Variants in ZNF831 observed in about 807,000 individuals in gnomAD.
ZNF831 encodes chromosome 20 open reading frame 174.
A neutral mutation model predicts 95.8 loss-of-function variants in ZNF831; 59 were observed. The observed-to-expected ratio is 0.62, with a 90% CI of 0.50 to 0.77. The LOEUF is 0.77. Among genes scored for constraint, ZNF831 ranks in the 30% least tolerant of loss-of-function variants. The pLI, the probability that ZNF831 is intolerant of heterozygous loss-of-function variation, is 0.00. For missense variants in ZNF831, 2,205 were observed against 2,164.0 expected (o/e 1.02, Z -0.38); for synonymous variants, 961 against 925.5 (o/e 1.04, Z -0.70).
intron 1 of ZNF831, among the ~76,000 whole-genome samples, chr20:59,137,738 C>T (rs1408398618): frequency 6.6e-6 from 1 of 152,188 alleles, no homozygotes; most frequent in Non-Finnish European, 1.5e-5. Flanking sequence ...TAGCAACCAG[C>T]ACTGGGTGGA....
At chr20:59,180,836 T>C (rs1982564531) in intron 1 of ZNF831, among the ~76,000 whole-genome samples, 1 of 152,240 alleles carries the variant, frequency 6.6e-6, no homozygotes. Flanking sequence ...AATAAACATA[T>C]GTGTGAATGT....
chr20:59,155,591 G>A (rs1331511391), intron 2 of ZNF831, among the ~76,000 whole-genome samples: 1 of 152,160 alleles, frequency 6.6e-6, no homozygotes, highest in African/African-American at 2.4e-5. Context: ...TGATTGCCTT[G>A]GAAGTCCAGG....
chr20:59,207,022 C>G lies in ZNF831; in HGVS notation c.3993C>G (p.Cys1331Trp). 1 of 1,614,196 alleles carries G rather than the reference C, an allele frequency of 6.2e-7. No individual in the cohort carries two copies. The highest frequency in any genetic ancestry group is 8.5e-7 in the Non-Finnish European group (1 of 1,180,032). ...HPPALEGLKP[C>W]RTPGQTSSEI... ...CCGCACTTGAGGGACTGAAGCCATG[C>G]AGGACCCCTGGGCAGACCTCTTCAG... is the stretch of plus-strand genomic sequence containing the variant. The change falls in exon 4 of 6, where the codon TGC becomes TGG. Residue 1331 changes from cysteine to tryptophan, a missense_variant. Transcript: ENST00000371030.
rs199500498 is a variant in ZNF831, at chr20:59,191,690, C to G, written c.671C>G (p.Pro224Arg). Residue 224 changes from proline (P) to arginine (R), a missense_variant, in exon 2 of 6, where the codon CCC becomes CGC. Pro to Arg is a moderately radical substitution (Grantham distance 103). Transcript: ENST00000371030. Reference protein sequence around the residue: ...LEEGDKAGEPPRPEGRGESRC... With the variant: ...LEEGDKAGEPRRPEGRGESRC... ...GAAGGGGACAAGGCCGGAGAGCCCC[C>G]CAGACCAGAGGGCAGGGGCGAGAGC... The G allele has an allele frequency of 1.7e-5, 27 of 1,562,762 alleles. No individual in the cohort carries two copies. The highest frequency in any genetic ancestry group is 1.3e-4 in the Admixed American group (7 of 54,884).
intron 4 of ZNF831, among the ~76,000 whole-genome samples, chr20:59,233,379 G>A (rs1056158100): frequency 6.6e-6 from 1 of 152,100 alleles, no homozygotes; most frequent in African/African-American, 2.4e-5. Context: ...TCCTGGTGTG[G>A]TGGGGGAAAA....
chr20:59,203,929 C>A (rs965729542), intron 3 of ZNF831, among the ~76,000 whole-genome samples: 2 of 152,172 alleles, frequency 1.3e-5, no homozygotes, highest in Admixed American at 1.3e-4. Flanking sequence ...CCTGCCTTGC[C>A]CAAAGCAAGC....
At chr20:59,161,469 G>T (rs891702883), upstream of ZNF831, among the ~76,000 whole-genome samples, 13 of 152,094 alleles carry the variant, frequency 8.5e-5, no homozygotes, top group African/African-American at 3.1e-4. Flanking sequence ...AGTAGAAATG[G>T]GGTTTCACCA....
chr20:59,161,378 A>G (rs1310891782), upstream of ZNF831, among the ~76,000 whole-genome samples: 2 of 152,020 alleles, frequency 1.3e-5, no homozygotes, highest in Non-Finnish European at 2.9e-5. Flanking sequence ...CCTGGGTTCA[A>G]GCTATTATCC....
chr20:59,244,450 C>T (rs1364582575), intron 4 of ZNF831, among the ~76,000 whole-genome samples: 2 of 152,184 alleles, frequency 1.3e-5, no homozygotes, highest in Admixed American at 6.5e-5. Flanking sequence ...AGGTATAATA[C>T]ACTTTGGGGG....
intron 1 of ZNF831, among the ~76,000 whole-genome samples, chr20:59,168,623 A>G (rs1034004070): frequency 6.6e-6 from 1 of 152,000 alleles, no homozygotes; most frequent in Admixed American, 6.6e-5. Flanking sequence ...ACTTTCAGTC[A>G]TCTTCTGAAT....
chr20:59,159,394 T>A (rs1193402257), upstream of ZNF831, among the ~76,000 whole-genome samples: 8 of 152,154 alleles, frequency 5.3e-5, no homozygotes, highest in African/African-American at 1.9e-4. Context: ...ATTCAGCTGA[T>A]CCTTGACCCC....
intron 4 of ZNF831, among the ~76,000 whole-genome samples, chr20:59,227,794 G>A (rs1454005077): frequency 6.6e-6 from 1 of 151,778 alleles, no homozygotes; most frequent in East Asian, 1.9e-4. Context: ...CACTATTATG[G>A]GCCCATTTTT....
Position 59,129,555 on chromosome 20 carries a change from A to G in ZNF831, c.-1425+6050A>G, listed in dbSNP as rs1044615439. On this transcript the variant is annotated intron_variant, in intron 1 of 7. Coordinates refer to the ZNF831 transcript ENST00000637017. ...GGAGAATTGCTTGAATCCGGGAGGC[A>G]GAAGTTGCAGTGAGCCGAGATCACG... Among the ~76,000 whole-genome samples, 17 of 152,276 alleles carry G rather than the reference A, an allele frequency of 1.1e-4. 1 individual carries two copies. The highest frequency in any genetic ancestry group is 8.3e-4 in the South Asian group (4 of 4,822).
At chr20:59,136,529 C>T (rs527573022) in intron 1 of ZNF831, among the ~76,000 whole-genome samples, 1 of 152,170 alleles carries the variant, frequency 6.6e-6, no homozygotes, top group Admixed American at 6.5e-5. Context: ...TACCCTCTGA[C>T]ACCCAACTGT....
intron 1 of ZNF831, among the ~76,000 whole-genome samples, chr20:59,186,422 T>C (rs1375967372): frequency 3.3e-5 from 5 of 152,190 alleles, no homozygotes; most frequent in African/African-American, 1.2e-4. Flanking sequence ...TTATGGCGTA[T>C]AATTGAAAAC....
At chr20:59,225,697 T>C (rs566515314) in intron 4 of ZNF831, among the ~76,000 whole-genome samples, 15 of 152,284 alleles carry the variant, frequency 9.9e-5, no homozygotes, top group African/African-American at 3.4e-4. Context: ...TCAACCTTTA[T>C]TATGGTTAGG....
intron 1 of ZNF831, among the ~76,000 whole-genome samples, chr20:59,187,662 T>C (rs762887287): frequency 3.9e-5 from 6 of 152,170 alleles, no homozygotes; most frequent in South Asian, 4.1e-4. Flanking sequence ...TAACATTAAA[T>C]TCACCATTTT....
At chr20:59,163,426 A>G (rs1054334074), upstream of ZNF831, among the ~76,000 whole-genome samples, 1 of 152,242 alleles carries the variant, frequency 6.6e-6, no homozygotes, top group Non-Finnish European at 1.5e-5. Context: ...TAAAGACAGC[A>G]TCGCAGAAAT....
At position 59,193,743 on chromosome 20, in the gene ZNF831, T is replaced by C. The variant is rs2146588657; in HGVS notation, c.2724T>C (p.Pro908=). ...GGGACAAGGCTACCCCACTGCATCC[T>C]GCAGCCCCAGCCCCCGCAGAGCACC... ...GPRDKATPLH[P]AAPAPAEHPS... is the part of the protein sequence containing the mutation. The change falls in exon 2 of 6, where the codon CCT becomes CCC. Residue 908 remains proline, a synonymous_variant. Transcript: ENST00000371030. 1 of 1,610,086 alleles carries C rather than the reference T, an allele frequency of 6.2e-7. No individual in the cohort carries two copies. The highest frequency in any genetic ancestry group is 8.5e-7 in the Non-Finnish European group (1 of 1,178,010).
Sources: gnomAD v4.1 joint callset for allele counts (sites outside exome capture counted in the v4.1 genomes callset) on GRCh38, gnomAD v4.1.1 for gene constraint, MANE v1.5 for transcripts, NCBI Gene and HGNC (gene_info 2026-07-23, HGNC 2026-07-21) for gene names.